The following VTA1 variants were observed in gnomAD, a reference collection of about 807,000 sequenced individuals.
The protein encoded by VTA1 is vesicle trafficking 1, also known as vacuolar protein sorting-associated protein VTA1 homolog.
Under a neutral mutation model 36.9 loss-of-function variants are expected in VTA1, and 24 were observed. The ratio of observed to expected loss-of-function variants is 0.65; its 90% CI spans 0.47 to 0.91. VTA1 has a LOEUF of 0.91. Among genes scored for constraint, VTA1 ranks in the 40% least tolerant of loss-of-function variants. The probability of loss-of-function intolerance (pLI) is 0.00; values close to 1 mark genes in which losing one functional copy is unlikely to be tolerated. For missense variants in VTA1, 393 were observed against 377.2 expected (o/e 1.04, Z -0.35); for synonymous variants, 142 against 130.2 (o/e 1.09, Z -0.62).
At chr6:142,169,411 T>C (rs1774986655) in intron 2 of VTA1, 139 bp from the exon 3 acceptor site, 1 of 1,000,532 alleles carries the variant, frequency 1.0e-6, no homozygotes, top group Non-Finnish European at 1.4e-6. Context: ...CAGCTCTTTT[T>C]GCAAGATTTC....
At chr6:142,156,140 T>G (rs1429383022) in intron 1 of VTA1, among the ~76,000 whole-genome samples, 1 of 152,214 alleles carries the variant, frequency 6.6e-6, no homozygotes, top group Non-Finnish European at 1.5e-5. Flanking sequence ...AACAGTGCTT[T>G]CTTTCAGGAT....
intron 4 of VTA1, among the ~76,000 whole-genome samples, chr6:142,171,106 T>C (rs1775022242): frequency 6.6e-6 from 1 of 151,800 alleles, no homozygotes; most frequent in Admixed American, 6.5e-5. Context: ...AATCATTTTT[T>C]TTTTTGAGAT....
At chr6:142,207,831 C>G (rs1467497069) in intron 7 of VTA1, among the ~76,000 whole-genome samples, 1 of 152,084 alleles carries the variant, frequency 6.6e-6, no homozygotes, top group Non-Finnish European at 1.5e-5. Flanking sequence ...AGCCTGTAAT[C>G]CCAGCACTTT....
chr6:142,159,794 T>C (rs952321804), intron 1 of VTA1, among the ~76,000 whole-genome samples: 1 of 152,090 alleles, frequency 6.6e-6, no homozygotes, highest in African/African-American at 2.4e-5. Context: ...ATTACAGGCA[T>C]GAGCCACCGT....
intron 4 of VTA1, among the ~76,000 whole-genome samples, chr6:142,187,221 G>A (rs1213248658): frequency 6.6e-6 from 1 of 152,170 alleles, no homozygotes; most frequent in African/African-American, 2.4e-5. Context: ...GTCAGCTAGA[G>A]GATTAGGAGC....
intron 4 of VTA1, among the ~76,000 whole-genome samples, chr6:142,187,910 TTC>T (rs1165505347): frequency 2.4e-5 from 3 of 127,604 alleles, no homozygotes; most frequent in Non-Finnish European, 3.5e-5. Flanking sequence ...GATACTTTCT[TTC>T]TTTTTTTTTT....
rs763634462 is a variant in VTA1, at chr6:142,165,980, C to CTTT, written c.113-235_113-233dup. Among the ~76,000 whole-genome samples, 1,179 of 133,392 alleles carry CTTT rather than the reference C, an allele frequency of 8.8e-3. 21 individuals are homozygous for CTTT. Among genetic ancestry groups the CTTT allele is most frequent in the African/African-American group, 0.03 (1,121 of 37,032 alleles). 87.5% of individuals were successfully genotyped at this position (133,392 alleles called of 152,430 possible). A position where few individuals can be genotyped will look rare whatever the true frequency, so the allele number is the denominator to read the frequency against. On this transcript the variant is annotated intron_variant, in intron 1 of 7. Coordinates refer to ENST00000367630, the MANE Select transcript of VTA1 (RefSeq NM_016485.5). ...GACAGCTTAGGACATACCTAGTCCT[C>CTTT]TTTTTTTTTTTTTTTAACATAATAC...
rs1776140194 is a variant in VTA1, at chr6:142,223,126, A to C, written c.*4483A>C. ...TTTATTAGTGAGGTGTTAGCACCTA[A>C]ATTTTTCTATTATCTGGGCCATATG... is the stretch of plus-strand genomic sequence containing the variant. On this transcript the variant is annotated 3_prime_UTR_variant, in exon 8 of 8. Transcript: ENST00000367630. 6.6e-6 allele frequency: 1 copy of C among 152,162 alleles called. No individual in the cohort carries two copies. The highest frequency in any genetic ancestry group is 1.5e-5 in the Non-Finnish European group (1 of 68,030). The allele number at this position is 152,162 out of a possible 1,614,324, so 9.4% of individuals were successfully genotyped here.
intron 4 of VTA1, among the ~76,000 whole-genome samples, chr6:142,175,146 G>A (rs1041086120): frequency 6.6e-6 from 1 of 152,036 alleles, no homozygotes; most frequent in African/African-American, 2.4e-5. Context: ...TTTTCAAAAA[G>A]GCCACTGGTT....
intron 6 of VTA1, among the ~76,000 whole-genome samples, chr6:142,201,547 A>G (rs1775685113): frequency 6.6e-6 from 1 of 151,934 alleles, no homozygotes; most frequent in Non-Finnish European, 1.5e-5. Flanking sequence ...CAAGAAACAT[A>G]AGCTTTTTAT....
At chr6:142,208,085 C>CAAAAAAAAAAAAAAAAAAAAAACAAAA (rs1775829809) in intron 7 of VTA1, among the ~76,000 whole-genome samples, 1 of 99,526 alleles carries the variant, frequency 1.0e-5, no homozygotes, top group Non-Finnish European at 1.9e-5. Flanking sequence ...AGACTTCCAT[C>CAAAAAAAAAAAAAAAAAAAAAACAAAA]AAAAAAAAAA....
chr6:142,151,053 TTGTCTC>T (rs1428331517), intron 1 of VTA1, among the ~76,000 whole-genome samples: 2 of 152,168 alleles, frequency 1.3e-5, no homozygotes, highest in Non-Finnish European at 2.9e-5. Context: ...CACCTGGAGT[TTGTCTC>T]TTTTCAGGAA....
intron 7 of VTA1, among the ~76,000 whole-genome samples, chr6:142,210,866 C>G (rs958843291): frequency 3.3e-5 from 5 of 151,914 alleles, no homozygotes; most frequent in Admixed American, 3.3e-4. Context: ...AATCTACACT[C>G]TCATGTTTAT....
intron 5 of VTA1, among the ~76,000 whole-genome samples, chr6:142,198,119 ATGTGTGTG>A (rs71021658): frequency 0.011 from 1,111 of 98,222 alleles, 23 homozygotes; most frequent in African/African-American, 0.035. Flanking sequence ...ATATATATAT[ATGTGTGTG>A]TGTGTGTGTG....
At position 142,218,699 on chromosome 6, in the gene VTA1, C is replaced by A; in HGVS notation, c.*56C>A. The stretch of plus-strand genomic sequence containing the variant: ...GGCATGAGGAACTAACAGTCCATTA[C>A]TCTATCTTCAGCCTATCAGGATCAC... On this transcript the variant is annotated 3_prime_UTR_variant, in exon 8 of 8. Transcript: ENST00000367630. 6.5e-7 allele frequency: 1 copy of A among 1,536,378 alleles called. No individual in the cohort carries two copies. The highest frequency in any genetic ancestry group is 1.3e-5 in the South Asian group (1 of 78,972).
Position 142,168,688 on chromosome 6 carries a change from T to C in VTA1, c.208-862T>C, listed in dbSNP as rs973233249. ...ATTCTGAGTTTGTCATCTTATACCT[T>C]ACTTTGAATTAGATCTTTTTTGTTT... On this transcript the variant is annotated intron_variant, in intron 2 of 7. Transcript: ENST00000367630. 8.0e-5 allele frequency among the ~76,000 whole-genome samples: 12 copies of C among 150,684 alleles called. No homozygotes were observed. In the East Asian group the frequency reaches 2.3e-3, roughly 29 times the overall value.
chr6:142,163,518 G>A (rs1001261408), intron 1 of VTA1, among the ~76,000 whole-genome samples: 2 of 152,038 alleles, frequency 1.3e-5, no homozygotes, highest in African/African-American at 2.4e-5. Context: ...CAGTCCTAAA[G>A]AGGTATGTGA....
intron 4 of VTA1, among the ~76,000 whole-genome samples, chr6:142,175,404 G>A (rs1775101199): frequency 1.3e-5 from 2 of 151,964 alleles, no homozygotes; most frequent in Non-Finnish European, 1.5e-5. Flanking sequence ...CTTTGGAAAT[G>A]TGTTTTTAGC....
intron 7 of VTA1, among the ~76,000 whole-genome samples, chr6:142,205,281 A>G (rs9376679): frequency 2.0e-5 from 3 of 151,644 alleles, no homozygotes; most frequent in Admixed American, 2.0e-4. Context: ...TTCTCTTTTC[A>G]CTTTTTTCAT....
Sources: allele counts gnomAD v4.1 joint callset (sites outside exome capture counted in the v4.1 genomes callset), GRCh38; gene constraint gnomAD v4.1.1; transcripts MANE v1.5; gene names NCBI Gene and HGNC (gene_info 2026-07-23, HGNC 2026-07-21).